SLC9A1: variants seen among roughly 807,000 people sequenced by gnomAD.
SLC9A1 encodes sodium/hydrogen exchanger 1.
A neutral mutation model predicts 67.9 loss-of-function variants in SLC9A1; 22 were observed. That is an observed-to-expected ratio of 0.32 (90% CI 0.23 to 0.46). SLC9A1 has a LOEUF of 0.46. Among genes scored for constraint, SLC9A1 ranks in the 20% least tolerant of loss-of-function variants. SLC9A1 has a pLI of 1.00. For missense variants in SLC9A1, 686 were observed against 1,094.8 expected, an observed-to-expected ratio of 0.63 and a Z score of 5.27; for synonymous variants, 421 against 471.8, an observed-to-expected ratio of 0.89 and a Z score of 1.40.
rs190300029 is a variant in SLC9A1 at position 27,155,099 on chromosome 1, T to C, written c.-765A>G. ...CCTGGTCCAGCTCCAGAACTAACCC[T>C]AGCCCCGGCCCCGGCGGCAGCAGAC... On this transcript the variant is annotated 5_prime_UTR_variant, in exon 1 of 12. Transcript: ENST00000263980. The surrounding 1 kb of genome is among the most constrained non-coding windows in gnomAD (Gnocchi z 4.5). 8.6e-5 allele frequency among the ~76,000 whole-genome samples: 13 copies of C among 151,998 alleles called. No individual in the cohort carries two copies. The highest frequency in any genetic ancestry group is 1.2e-4 in the African/African-American group (5 of 41,502).
chr1:27,137,747 T>C lies in SLC9A1; in HGVS notation c.352+16236A>G, dbSNP rs1222415671. Among the ~76,000 whole-genome samples the C allele has an allele frequency of 1.3e-5, 2 of 152,164 alleles. No homozygotes were observed. The highest frequency in any genetic ancestry group is 2.9e-5 in the Non-Finnish European group (2 of 68,022). On this transcript the variant is annotated intron_variant, in intron 1 of 11. Coordinates refer to ENST00000263980, the MANE Select transcript of SLC9A1 (RefSeq NM_003047.5). The surrounding 1 kb of genome is among the most constrained non-coding windows in gnomAD (Gnocchi z 4.6). ...TGCCACGCCTCCCACATGACAGGTCTGGTGACTGTTTGCCTGCAGGCGCTG... is the reference window on the plus strand; with the variant it reads ...TGCCACGCCTCCCACATGACAGGTCCGGTGACTGTTTGCCTGCAGGCGCTG...
intron 2 of SLC9A1, among the ~76,000 whole-genome samples, chr1:27,111,414 A>G (rs1385131568): frequency 6.6e-6 from 1 of 152,194 alleles, no homozygotes; most frequent in Non-Finnish European, 1.5e-5. Context: ...TATCAGGCTT[A>G]TGTAACCTCT....
rs1486674884 is a variant in SLC9A1, at chr1:27,155,117, C to T, written c.-783G>A. Among the ~76,000 whole-genome samples the T allele has an allele frequency of 6.6e-6, 1 of 152,104 alleles. No homozygotes were observed. Among genetic ancestry groups the T allele is most frequent in the Non-Finnish European group, 1.5e-5 (1 of 68,010 alleles). ...CTAACCCTAGCCCCGGCCCCGGCGG[C>T]AGCAGACTGAAGCCTAGCTGAGCCC... On this transcript the variant is annotated 5_prime_UTR_variant, in exon 1 of 12. Transcript: ENST00000263980. This position sits in a 1 kb window ranked among gnomAD's most constrained non-coding sequence, Gnocchi z 4.5.
intron 2 of SLC9A1, among the ~76,000 whole-genome samples, chr1:27,112,243 C>T (rs1459653409): frequency 6.6e-6 from 1 of 152,160 alleles, no homozygotes; most frequent in Non-Finnish European, 1.5e-5. Flanking sequence ...CTACCCAGCC[C>T]CATGAGGAGG....
chr1:27,146,254 G>C (rs1161192371), intron 1 of SLC9A1, among the ~76,000 whole-genome samples: 3 of 152,150 alleles, frequency 2.0e-5, no homozygotes, highest in Non-Finnish European at 4.4e-5. Context: ...GTATGGGCTG[G>C]CATTCCCAGA....
intron 5 of SLC9A1, among the ~76,000 whole-genome samples, chr1:27,105,252 T>C (rs2083175405): frequency 6.6e-6 from 1 of 152,154 alleles, no homozygotes; most frequent in South Asian, 2.1e-4. Flanking sequence ...TACAATGAGT[T>C]AGTAGCAAAG....
At chr1:27,122,255 C>T (rs1474326776) in intron 1 of SLC9A1, among the ~76,000 whole-genome samples, 1 of 152,192 alleles carries the variant, frequency 6.6e-6, no homozygotes, top group Non-Finnish European at 1.5e-5. Context: ...GGTGCCTCAG[C>T]CAGCCTGGCA....
chr1:27,102,040 G>T lies in SLC9A1; in HGVS notation c.1911C>A (p.Asn637Lys). Residue 637 changes from asparagine to lysine, a missense_variant, in exon 9 of 12, where the codon AAC (asparagine) becomes AAA (lysine). Around this residue, in one of 7 missense-constraint regions of SLC9A1, gnomAD observed 226 missense variants for 282.4 expected, o/e 0.80. Transcript: ENST00000263980. ...CCCGCTGCCTGGTCTTCTGCAAGTT[G>T]TTCCTCAGGATTTTGCGGATCTCCT... is the stretch of plus-strand genomic sequence containing the variant. ...KEEEIRKILR[N>K]NLQKTRQRLR... 1 of 1,613,746 alleles carries T rather than the reference G, an allele frequency of 6.2e-7. No homozygotes were observed. Among genetic ancestry groups the T allele is most frequent in the South Asian group, 1.1e-5 (1 of 91,082 alleles).
chr1:27,116,599 G>A (rs2124159918), intron 1 of SLC9A1, among the ~76,000 whole-genome samples: 1 of 152,272 alleles, frequency 6.6e-6, no homozygotes, highest in Admixed American at 6.5e-5. Context: ...CAATAAAAGG[G>A]AAAATAATTC....
rs557865108 is a variant in SLC9A1 at position 27,146,765 on chromosome 1, G to A, written c.352+7218C>T. Reference sequence around the variant, plus strand: ...ACTGCACTCCAGCCTGGGAGACAGAGCGAAATCCTGTCTCAAAAATAAACA... The same window carrying A: ...ACTGCACTCCAGCCTGGGAGACAGAACGAAATCCTGTCTCAAAAATAAACA... On this transcript the variant is annotated intron_variant, in intron 1 of 11. Transcript: ENST00000263980. Among the ~76,000 whole-genome samples the A allele has an allele frequency of 6.3e-4, 96 of 152,284 alleles. 1 individual carries two copies. The highest frequency in any genetic ancestry group is 2.2e-3 in the African/African-American group (91 of 41,556).
At chr1:27,103,138 T>TG (rs955018463) in intron 6 of SLC9A1, 85 bp downstream of exon 6, 17 of 1,009,496 alleles carry the variant, frequency 1.7e-5, no homozygotes, top group African/African-American at 1.4e-4. Flanking sequence ...AAGGGGCTGA[T>TG]GGGGGGCAGA....
chr1:27,115,459 G>A (rs1487970816), intron 1 of SLC9A1, among the ~76,000 whole-genome samples: 4 of 152,146 alleles, frequency 2.6e-5, no homozygotes, highest in Non-Finnish European at 4.4e-5. Context: ...CTAGTTGTAT[G>A]TTGGGTACTA....
intron 1 of SLC9A1, among the ~76,000 whole-genome samples, chr1:27,135,573 T>G (rs2083415610): frequency 6.7e-6 from 1 of 148,380 alleles, no homozygotes; most frequent in African/African-American, 2.5e-5. Context: ...TCTGAGCACC[T>G]GCTCTCTGAG....
chr1:27,123,951 T>G (rs1267735225), intron 1 of SLC9A1, among the ~76,000 whole-genome samples: 1 of 152,034 alleles, frequency 6.6e-6, no homozygotes, highest in Non-Finnish European at 1.5e-5. Flanking sequence ...CTCAGCGTCC[T>G]GAGTAGCTGG....
intron 1 of SLC9A1, among the ~76,000 whole-genome samples, chr1:27,143,798 G>A (rs964685292): frequency 4.6e-5 from 7 of 152,202 alleles, no homozygotes; most frequent in Non-Finnish European, 8.8e-5. Flanking sequence ...CCTAGAGCTC[G>A]TTTCCTTTAT....
At chr1:27,143,046 T>TAAAAAA (rs55970751) in intron 1 of SLC9A1, among the ~76,000 whole-genome samples, 1 of 98,462 alleles carries the variant, frequency 1.0e-5, no homozygotes, top group African/African-American at 4.0e-5. Context: ...ATCAACTGTG[T>TAAAAAA]AAAAAAAAAA....
Position 27,114,331 on chromosome 1 carries a change from C to T in SLC9A1, c.353-45G>A. ...GGGAGGCCATGGGCTTTCGGAGGAG[C>T]CAGGAGAATAGAAGGTTGGGGATGG... is the stretch of plus-strand genomic sequence containing the variant. On this transcript the variant is annotated intron_variant, in intron 1 of 11. Transcript: ENST00000263980. The surrounding 1 kb of genome is among the most constrained non-coding windows in gnomAD (Gnocchi z 5.4). 1 of 1,517,250 alleles carries T rather than the reference C, an allele frequency of 6.6e-7. No individual in the cohort carries two copies. The highest frequency in any genetic ancestry group is 9.0e-7 in the Non-Finnish European group (1 of 1,107,490). The allele number at this position is 1,517,250 out of a possible 1,614,324, so 94.0% of individuals were successfully genotyped here.
intron 1 of SLC9A1, among the ~76,000 whole-genome samples, chr1:27,133,601 G>A (rs1384057466): frequency 1.3e-5 from 2 of 152,060 alleles, no homozygotes; most frequent in Non-Finnish European, 2.9e-5. Flanking sequence ...AGGTTTAGAG[G>A]TAGTTAGGAC....
chr1:27,142,935 G>A (rs1335834658), intron 1 of SLC9A1, among the ~76,000 whole-genome samples: 1 of 150,536 alleles, frequency 6.6e-6, no homozygotes, highest in East Asian at 1.9e-4. Flanking sequence ...CTCCTCCAAG[G>A]ATTCATCCCA....
Sources: allele counts gnomAD v4.1 joint callset (sites outside exome capture counted in the v4.1 genomes callset), GRCh38; gene constraint gnomAD v4.1.1; regional missense constraint gnomAD v4.1.1; non-coding constraint Gnocchi (gnomAD v3.1); transcripts MANE v1.5; gene names NCBI Gene and HGNC (gene_info 2026-07-23, HGNC 2026-07-21).